Variants in ACSBG1 observed in about 807,000 individuals in gnomAD.
The protein encoded by ACSBG1 is acyl-CoA synthetase bubblegum family member 1.
A neutral mutation model predicts 80.2 loss-of-function variants in ACSBG1; 39 were observed. The ratio of observed to expected loss-of-function variants is 0.49; its 90% confidence interval spans 0.38 to 0.64. The LOEUF is 0.64. Among genes scored for constraint, ACSBG1 ranks in the 30% least tolerant of loss-of-function variants. The pLI is 0.00. For missense variants in ACSBG1, 828 were observed against 966.4 expected (o/e 0.86, Z 1.90); for synonymous variants, 392 against 379.5 (o/e 1.03, Z -0.38).
chr15:78,171,064 A>C lies in ACSBG1; in HGVS notation c.*380T>G, dbSNP rs942798925. The C allele has an allele frequency of 6.0e-6, 1 of 165,470 alleles. No individual in the cohort carries two copies. The highest frequency in any genetic ancestry group is 2.4e-5 in the African/African-American group (1 of 41,726). 10.3% of individuals were successfully genotyped at this position (165,470 alleles called of 1,614,324 possible). On this transcript the variant is annotated 3_prime_UTR_variant, in exon 14 of 14. Transcript: ENST00000258873. The stretch of plus-strand genomic sequence containing the variant: ...TTTTCCTGCAGCGCACGTGAGCAGT[A>C]TCAGCCATCTCTCTCCTACCCGCTC...
At chr15:78,217,016 CTG>C (rs2075317075) in intron 1 of ACSBG1, among the ~76,000 whole-genome samples, 1 of 152,222 alleles carries the variant, frequency 6.6e-6, no homozygotes, top group East Asian at 1.9e-4. Flanking sequence ...TTCTGGGACT[CTG>C]TTTCCTCAGA....
intron 3 of ACSBG1, 35 bp downstream of exon 3, chr15:78,194,471 G>A: frequency 6.2e-7 from 1 of 1,601,672 alleles, no homozygotes; most frequent in Non-Finnish European, 8.5e-7. Flanking sequence ...CACATCTGGG[G>A]AGGGGCAAGG....
intron 5 of ACSBG1, among the ~76,000 whole-genome samples, chr15:78,192,015 T>C (rs1382573431): frequency 6.6e-6 from 1 of 152,094 alleles, no homozygotes; most frequent in Non-Finnish European, 1.5e-5. Context: ...TTGGATCCAA[T>C]ATTCCTGGTG....
At chr15:78,173,147 A>G (rs1010956510) in intron 13 of ACSBG1, among the ~76,000 whole-genome samples, 2 of 152,088 alleles carry the variant, frequency 1.3e-5, no homozygotes, top group Non-Finnish European at 2.9e-5. Flanking sequence ...GGAGTTCGAG[A>G]CCAGCCTGAC....
intron 8 of ACSBG1, 54 bp downstream of exon 8, chr15:78,181,914 GT>G (rs1475966798): frequency 3.2e-6 from 5 of 1,580,962 alleles, no homozygotes; most frequent in Non-Finnish European, 4.3e-6. Context: ...ACAGACACAT[GT>G]GGACGTGGCC....
intron 1 of ACSBG1, among the ~76,000 whole-genome samples, chr15:78,215,772 AAGAAAGAAAGAAAGAGAAAGAAAGAG>A (rs1445353132): frequency 6.6e-4 from 99 of 149,168 alleles, no homozygotes; most frequent in African/African-American, 2.4e-3. Flanking sequence ...GAAAGAAAGA[AAGAAAGAAAGAAAGAGAAAGAAAGAG>A]AGAAAGGAAG....
At chr15:78,171,684 C>G in intron 13 of ACSBG1, 155 bp from the exon 14 acceptor site, 1 of 608,858 alleles carries the variant, frequency 1.6e-6, no homozygotes, top group Non-Finnish European at 2.9e-6. Context: ...AGTGATCGCT[C>G]CTGGTATTCA....
chr15:78,182,536 T>C lies in ACSBG1; in HGVS notation c.824A>G (p.Gln275Arg). 6.2e-7 allele frequency: 1 copy of C among 1,614,104 alleles called. No individual in the cohort carries two copies. Among genetic ancestry groups the C allele is most frequent in the Non-Finnish European group, 8.5e-7 (1 of 1,180,006 alleles). The change falls in exon 7 of 14, where the codon CAG becomes CGG. Residue 275 changes from glutamine (Q) to arginine (R), a missense_variant. Physicochemically the swap from Gln to Arg is conservative, Grantham distance 43. Transcript: ENST00000258873. ...DAIIDTQQPN[Q>R]CCVLVYTSGT... Reference sequence around the variant, plus strand: ...GGAAGTGTAGACTAGCACACAGCACTGGTTGGGCTGCTGGGTGTCAATGAT... The same window carrying C: ...GGAAGTGTAGACTAGCACACAGCACCGGTTGGGCTGCTGGGTGTCAATGAT...
intron 1 of ACSBG1, among the ~76,000 whole-genome samples, chr15:78,215,943 C>T (rs1357495014): frequency 2.6e-5 from 4 of 152,160 alleles, no homozygotes; most frequent in Non-Finnish European, 4.4e-5. Context: ...GTGGTAGAGC[C>T]GCCTATGACA....
chr15:78,189,115 A>T (rs1458158473), intron 5 of ACSBG1, among the ~76,000 whole-genome samples: 2 of 151,948 alleles, frequency 1.3e-5, no homozygotes, highest in African/African-American at 2.4e-5. Context: ...TCAAAACCAC[A>T]ATGAGATACC....
chr15:78,209,184 A>G (rs777620004), intron 1 of ACSBG1: 19 of 456,106 alleles, frequency 4.2e-5, no homozygotes, highest in South Asian at 2.9e-4. Context: ...TCGGCACTGC[A>G]GGTTCCGAAC....
chr15:78,215,032 CCCCCCATAGA>C (rs1357165607), intron 1 of ACSBG1, among the ~76,000 whole-genome samples: 6 of 151,974 alleles, frequency 3.9e-5, no homozygotes, highest in Non-Finnish European at 8.8e-5. Context: ...TGCTGGGAGC[CCCCCCATAGA>C]CCCCCATCAA....
chr15:78,226,252 C>T (rs1428962437), intron 1 of ACSBG1, among the ~76,000 whole-genome samples: 2 of 152,190 alleles, frequency 1.3e-5, no homozygotes, highest in African/African-American at 2.4e-5. Context: ...AATCCCACCA[C>T]TTTTGCCATA....
At chr15:78,183,553 A>AGG (rs1314009790) in intron 5 of ACSBG1, among the ~76,000 whole-genome samples, 1 of 152,120 alleles carries the variant, frequency 6.6e-6, no homozygotes, top group Non-Finnish European at 1.5e-5. Flanking sequence ...CTCCAGAGAG[A>AGG]GACTCTGTCT....
In ACSBG1 at chr15:78,207,664, T is replaced by C. The variant is rs2141366985; in HGVS notation, c.232+338A>G. 9.4e-6 allele frequency: 3 copies of C among 317,580 alleles called. No homozygotes were observed. In the South Asian group the frequency reaches 1.8e-4, roughly 20 times the overall value. The allele number at this position is 317,580 out of a possible 1,614,324, so 19.7% of individuals were successfully genotyped here. A position where few individuals can be genotyped will look rare whatever the true frequency, so the allele number is the denominator to read the frequency against. On this transcript the variant is annotated intron_variant, in intron 2 of 13. Transcript: ENST00000258873. ...CAAGGCATTGCTTATCTGGGCTTTC[T>C]CCTGTCCCTCAGCAACCCTTTGCTG...
intron 1 of ACSBG1, among the ~76,000 whole-genome samples, chr15:78,216,435 G>A (rs1448672734): frequency 1.3e-5 from 2 of 152,170 alleles, no homozygotes; most frequent in Non-Finnish European, 2.9e-5. Flanking sequence ...GGAGGCTAGC[G>A]CAGAGGAGAG....
chr15:78,207,923 A>ACCCCCCCCCCCCCCCCCACCCCCCC, intron 2 of ACSBG1, 79 bp downstream of exon 2: 1 of 284,792 alleles, frequency 3.5e-6, no homozygotes. Context: ...GTGGTCCCCC[A>ACCCCCCCCCCCCCCCCCACCCCCCC]CACCACCCAC....
At chr15:78,179,897 G>A in intron 9 of ACSBG1, 117 bp from the exon 10 acceptor site, 1 of 854,254 alleles carries the variant, frequency 1.2e-6, no homozygotes, top group South Asian at 1.7e-5. Flanking sequence ...CCCTGGCTCG[G>A]CCATTCCAGT....
rs1448673299 is a variant in ACSBG1, at chr15:78,178,581, C to T, written c.1702+33G>A. ...CCTCCCAAAGTGCTGGGATTACAGGCATGAGCCACCGTGCCTGGCCTGGGG... is the reference window on the plus strand; with the variant it reads ...CCTCCCAAAGTGCTGGGATTACAGGTATGAGCCACCGTGCCTGGCCTGGGG... On this transcript the variant is annotated intron_variant, in intron 11 of 13. Transcript: ENST00000258873. This position sits in a 1 kb window ranked among gnomAD's most constrained non-coding sequence, Gnocchi z 4.3. The T allele has an allele frequency of 1.9e-6, 3 of 1,574,874 alleles. No individual in the cohort carries two copies. Among genetic ancestry groups the T allele is most frequent in the Non-Finnish European group, 2.6e-6 (3 of 1,161,928 alleles).
Sources: allele counts gnomAD v4.1 joint callset (sites outside exome capture counted in the v4.1 genomes callset), GRCh38; gene constraint gnomAD v4.1.1; non-coding constraint Gnocchi (gnomAD v3.1); transcripts MANE v1.5; gene names NCBI Gene and HGNC (gene_info 2026-07-23, HGNC 2026-07-21).